SH2B1: variants seen among roughly 807,000 people sequenced by gnomAD.
The protein encoded by SH2B1 is SH2B adaptor protein 1, also known as SH2B adapter protein 1.
A neutral mutation model predicts 62.6 loss-of-function variants in SH2B1; 15 were observed. The ratio of observed to expected loss-of-function variants is 0.24; its 90% CI spans 0.16 to 0.37. The LOEUF is 0.37. Ranked by LOEUF, SH2B1 falls within the 10% of genes least tolerant of loss-of-function variation. The pLI is 1.00. For synonymous variants in SH2B1, 443 were observed against 438.0 expected (o/e 1.01, Z -0.14); for missense variants, 925 against 1,015.6 (o/e 0.91, Z 1.21).
intron 1 of SH2B1, among the ~76,000 whole-genome samples, chr16:28,854,711 A>T (rs555308878): frequency 1.4e-4 from 22 of 152,294 alleles, no homozygotes; most frequent in African/African-American, 5.3e-4. Flanking sequence ...AGCTGTGCTC[A>T]AGCCACTGCA....
chr16:28,859,555 A>G (rs534724310), upstream of SH2B1, among the ~76,000 whole-genome samples: 1 of 152,190 alleles, frequency 6.6e-6, no homozygotes, highest in East Asian at 1.9e-4. Context: ...GAATGAAGAC[A>G]GTCCAGGGAG....
intron 1 of SH2B1, among the ~76,000 whole-genome samples, chr16:28,852,950 TTTATATATGTACA>T (rs1962212200): frequency 1.2e-5 from 1 of 84,890 alleles, no homozygotes; most frequent in African/African-American, 6.1e-5. Context: ...ACATATATAT[TTTATATATGTACA>T]TATATATGTA....
chr16:28,863,926 C>A lies in SH2B1; in HGVS notation c.-2169C>A. 6.7e-7 allele frequency: 1 copy of A among 1,486,148 alleles called. No homozygotes were observed. Among genetic ancestry groups the A allele is most frequent in the South Asian group, 1.3e-5 (1 of 77,334 alleles). 92.1% of individuals were successfully genotyped at this position (1,486,148 alleles called of 1,614,324 possible). A position where few individuals can be genotyped will look rare whatever the true frequency, so the allele number is the denominator to read the frequency against. ...CCGCCGCCGCCGCCGCCGGAGCTAA[C>A]CTCGGGGACCGAGATGCAGGTGGGA... On this transcript the variant is annotated 5_prime_UTR_variant, in exon 1 of 8. Transcript: ENST00000684370.
At position 28,873,048 on chromosome 16, in the gene SH2B1, C is replaced by T. The variant is rs767024075; in HGVS notation, c.1897+343C>T. The T allele has an allele frequency of 2.7e-6, 2 of 741,848 alleles. No homozygotes were observed. Among genetic ancestry groups the T allele is most frequent in the Non-Finnish European group, 4.3e-6 (2 of 462,404 alleles). The allele number at this position is 741,848 out of a possible 1,614,324, so 46.0% of individuals were successfully genotyped here. A position where few individuals can be genotyped will look rare whatever the true frequency, so the allele number is the denominator to read the frequency against. On this transcript the variant is annotated intron_variant, in intron 7 of 7. Coordinates refer to ENST00000684370, the MANE Select transcript of SH2B1 (RefSeq NM_001387430.1). This position sits in a 1 kb window ranked among gnomAD's most constrained non-coding sequence, Gnocchi z 4.2. ...GTCGCAGCCTGGCCTTGGGCCTGCC[C>T]TTCCCGGGGACACTCGGTCTGATCC...
In SH2B1 at chr16:28,864,654, A is replaced by C. The variant is rs529794999; in HGVS notation, c.-1441A>C. 1 of 985,394 alleles carries C rather than the reference A, an allele frequency of 1.0e-6. No individual in the cohort carries two copies. Among genetic ancestry groups the C allele is most frequent in the Non-Finnish European group, 1.2e-6 (1 of 829,936 alleles). The allele number at this position is 985,394 out of a possible 1,614,324, so 61.0% of individuals were successfully genotyped here. A position where few individuals can be genotyped will look rare whatever the true frequency, so the allele number is the denominator to read the frequency against. On this transcript the variant is annotated 5_prime_UTR_variant, in exon 1 of 8. Transcript: ENST00000684370. ...GGCTTTCCTGAGCTGCTCTGGCCCCAGTCCTGGGGCTGTCACCTTCCAGTA... is the reference window on the plus strand; with the variant it reads ...GGCTTTCCTGAGCTGCTCTGGCCCCCGTCCTGGGGCTGTCACCTTCCAGTA...
At chr16:28,847,458 G>A (rs925914558) in intron 1 of SH2B1, among the ~76,000 whole-genome samples, 6 of 152,090 alleles carry the variant, frequency 3.9e-5, no homozygotes, top group African/African-American at 1.2e-4. Flanking sequence ...CTCCCCTGGA[G>A]GTTATGATTC....
chr16:28,861,906 G>A (rs924775194), upstream of SH2B1, among the ~76,000 whole-genome samples: 3 of 152,204 alleles, frequency 2.0e-5, no homozygotes, highest in Admixed American at 1.3e-4. Context: ...AAGCTATTAG[G>A]GTTTAAGCTT....
chr16:28,867,250 G>C, intron 1 of SH2B1, 81 bp from the exon 2 acceptor site: 2 of 1,295,416 alleles, frequency 1.5e-6, no homozygotes, highest in Non-Finnish European at 2.2e-6. Context: ...GGATGTAGAA[G>C]GAAAGATGAA....
At chr16:28,871,705 TGAG>T in intron 4 of SH2B1, 72 bp from the exon 5 acceptor site, 1 of 1,199,702 alleles carries the variant, frequency 8.3e-7, no homozygotes, top group Non-Finnish European at 1.2e-6. Flanking sequence ...AGACTGCTGG[TGAG>T]GAGATGGGCC....
In SH2B1 at chr16:28,865,320, G is replaced by A; in HGVS notation, c.-775G>A. The A allele has an allele frequency of 1.0e-6, 1 of 985,654 alleles. No individual in the cohort carries two copies. 61.1% of individuals were successfully genotyped at this position (985,654 alleles called of 1,614,324 possible). A position where few individuals can be genotyped will look rare whatever the true frequency, so the allele number is the denominator to read the frequency against. On this transcript the variant is annotated 5_prime_UTR_variant, in exon 1 of 8. Coordinates refer to ENST00000684370, the MANE Select transcript of SH2B1 (RefSeq NM_001387430.1). ...CGCAGTGCGTGGGTGCTGGACTCTG[G>A]GGTCAGCTTTCAAGACAATTACTGT...
chr16:28,872,169 C>T lies in SH2B1; in HGVS notation c.1514-21C>T, dbSNP rs1725478051. ...AGGCTGCCCTGACACCCCGGTTTCC[C>T]TCCCTCTCTCCTTCCTGAAGGGTCC... On this transcript the variant is annotated intron_variant, in intron 5 of 7. Transcript: ENST00000684370. This position sits in a 1 kb window ranked among gnomAD's most constrained non-coding sequence, Gnocchi z 5.3. The T allele has an allele frequency of 6.2e-7, 1 of 1,603,838 alleles. No individual in the cohort carries two copies. The highest frequency in any genetic ancestry group is 8.5e-7 in the Non-Finnish European group (1 of 1,174,032).
At chr16:28,848,438 C>CA (rs1157259839) in intron 1 of SH2B1, among the ~76,000 whole-genome samples, 40 of 145,168 alleles carry the variant, frequency 2.8e-4, no homozygotes, top group Admixed American at 1.6e-3. Context: ...ACTCCGTCTC[C>CA]AAAAAAAAAA....
intron 1 of SH2B1, among the ~76,000 whole-genome samples, chr16:28,849,854 C>T (rs574174074): frequency 9.9e-5 from 15 of 152,072 alleles, no homozygotes; most frequent in East Asian, 3.9e-4. Context: ...ACCCAGGAGG[C>T]GGAGGTTGCA....
At chr16:28,858,963 C>T (rs1378543509), upstream of SH2B1, among the ~76,000 whole-genome samples, 1 of 148,336 alleles carries the variant, frequency 6.7e-6, no homozygotes, top group African/African-American at 2.5e-5. Context: ...AAAAAAAAAT[C>T]ATTTATTTGG....
intron 4 of SH2B1, among the ~76,000 whole-genome samples, chr16:28,869,751 T>C (rs1208073855): frequency 3.9e-5 from 6 of 152,214 alleles, no homozygotes; most frequent in Non-Finnish European, 5.9e-5. Flanking sequence ...TCTGTGTCTG[T>C]CAGGGGCAAT....
intron 1 of SH2B1, among the ~76,000 whole-genome samples, chr16:28,852,384 T>TTA (rs560666599): frequency 0.024 from 1,093 of 45,986 alleles, 347 homozygotes; most frequent in Admixed American, 0.031. Flanking sequence ...TTACATATAT[T>TTA]TATATATATA....
At position 28,867,394 on chromosome 16, in the gene SH2B1, C is replaced by G; in HGVS notation, c.1003C>G (p.Leu335Val). 1 of 1,614,198 alleles carries G rather than the reference C, an allele frequency of 6.2e-7. No individual in the cohort carries two copies. The highest frequency in any genetic ancestry group is 8.5e-7 in the Non-Finnish European group (1 of 1,180,012). ...CACAGACGTCCGGACAACCACAGCC[C>G]TGGAGATGCCTGACCGGGAGAACAC... ...SITDVRTTTA[L>V]EMPDRENTFV... Residue 335 changes from leucine to valine, a missense_variant, in exon 2 of 8, where the codon CTG (leucine) becomes GTG (valine). This residue lies in a region of SH2B1 where 683 missense variants were observed against 704.0 expected (regional missense o/e 0.97). Coordinates refer to ENST00000684370, the MANE Select transcript of SH2B1 (RefSeq NM_001387430.1).
In SH2B1 at chr16:28,865,092, C is replaced by G. The variant is rs1962612215; in HGVS notation, c.-1003C>G. 1.0e-6 allele frequency: 1 copy of G among 985,414 alleles called. No homozygotes were observed. Among genetic ancestry groups the G allele is most frequent in the African/African-American group, 1.7e-5 (1 of 57,226 alleles). 61.0% of individuals were successfully genotyped at this position (985,414 alleles called of 1,614,324 possible). On this transcript the variant is annotated 5_prime_UTR_variant, in exon 1 of 8. Transcript: ENST00000684370. ...GGCCTTAACCAGAAGGCTAACCTGC[C>G]TTTAGGGCATACTCCCCAGTGGGAG...
At chr16:28,868,746 G>A (rs956037359) in intron 2 of SH2B1, among the ~76,000 whole-genome samples, 2 of 152,090 alleles carry the variant, frequency 1.3e-5, no homozygotes, top group African/African-American at 2.4e-5. Flanking sequence ...GTGAGCCATC[G>A]TACCCGGCCT....
Sources: allele counts gnomAD v4.1 joint callset (sites outside exome capture counted in the v4.1 genomes callset), GRCh38; gene constraint gnomAD v4.1.1; regional missense constraint gnomAD v4.1.1; non-coding constraint Gnocchi (gnomAD v3.1); transcripts MANE v1.5; gene names NCBI Gene and HGNC (gene_info 2026-07-23, HGNC 2026-07-21).